The following CPM variants were observed in gnomAD, a reference collection of about 807,000 sequenced individuals.
CPM encodes carboxypeptidase M, also known as renal carboxypeptidase.
A neutral mutation model predicts 46.4 loss-of-function variants in CPM; 35 were observed. The observed-to-expected ratio is 0.75, with a 90% confidence interval of 0.58 to 1.00. CPM has a LOEUF of 1.00. Ranked by LOEUF, CPM falls within the 50% of genes least tolerant of loss-of-function variation. CPM has a pLI of 0.00. For missense variants in CPM, 422 were observed against 530.4 expected, an observed-to-expected ratio of 0.80 and a Z score of 2.01; for synonymous variants, 195 against 195.3, an observed-to-expected ratio of 1.00 and a Z score of 0.01.
intron 2 of CPM, among the ~76,000 whole-genome samples, chr12:68,914,252 G>A (rs1887716992): frequency 6.8e-6 from 1 of 146,404 alleles, no homozygotes; most frequent in South Asian, 2.2e-4. Context: ...CCTCTGCCCC[G>A]CCCCCACCCC....
Position 68,932,772 on chromosome 12 carries a change from G to A in CPM, c.66C>T (p.Tyr22=), listed in dbSNP as rs1888565367. 6.2e-7 allele frequency: 1 copy of A among 1,614,088 alleles called. No homozygotes were observed. The highest frequency in any genetic ancestry group is 1.3e-5 in the African/African-American group (1 of 74,928). ...LPLVAALDFN[Y]HRQEGMEAFL... Reference sequence around the variant, plus strand: ...ACGCTTCCATCCCTTCCTGGCGGTGGTAGTTGAAATCCAGCGCAGCTACCA... The same window carrying A: ...ACGCTTCCATCCCTTCCTGGCGGTGATAGTTGAAATCCAGCGCAGCTACCA... The change falls in exon 2 of 9, where the codon TAC becomes TAT. Residue 22 remains tyrosine (Y), a synonymous_variant. Coordinates refer to ENST00000551568, the MANE Select transcript of CPM (RefSeq NM_198320.5).
At chr12:68,843,302 G>A (rs1417796809) in intron 5 of CPM, 2 of 229,770 alleles carry the variant, frequency 8.7e-6, no homozygotes, top group Non-Finnish European at 1.7e-5. Flanking sequence ...TATTGAGAGA[G>A]AGAGAGAGAG....
At chr12:68,876,890 ATGCG>A (rs1258225546) in intron 3 of CPM, among the ~76,000 whole-genome samples, 10 of 106,584 alleles carry the variant, frequency 9.4e-5, no homozygotes, top group African/African-American at 3.9e-4. Flanking sequence ...GTGCACGCGC[ATGCG>A]TGTGTGTGTG....
intron 2 of CPM, among the ~76,000 whole-genome samples, chr12:68,919,990 C>A (rs1887967932): frequency 6.6e-6 from 1 of 152,236 alleles, no homozygotes; most frequent in Non-Finnish European, 1.5e-5. Context: ...GGGAGTGGAT[C>A]TCTCATGGCT....
At chr12:68,913,823 C>T (rs562785408) in intron 2 of CPM, 1 of 632,030 alleles carries the variant, frequency 1.6e-6, no homozygotes, top group East Asian at 3.2e-5. Flanking sequence ...ATTTGTTTTC[C>T]AGAGTATGAT....
intron 2 of CPM, among the ~76,000 whole-genome samples, chr12:68,918,498 T>A (rs117259045): frequency 0.011 from 1,664 of 152,244 alleles, 21 homozygotes; most frequent in Non-Finnish European, 0.016. Flanking sequence ...CTCTTCCAGT[T>A]TTGTCCATCT....
rs1888909934 is a variant in CPM, at chr12:68,950,035, C to T, written c.-4+13134G>A. Among the ~76,000 whole-genome samples the T allele has an allele frequency of 2.0e-5, 3 of 152,104 alleles. No individual in the cohort carries two copies. The South Asian group carries it at 6.2e-4, about 32-fold the overall frequency. Reference sequence around the variant, plus strand: ...AGCCATCCTCTGAGGCCAGAGGATGCAGTGTGCTTGGGCCTTGTTCACGTG... The same window carrying T: ...AGCCATCCTCTGAGGCCAGAGGATGTAGTGTGCTTGGGCCTTGTTCACGTG... On this transcript the variant is annotated intron_variant, in intron 1 of 8. Transcript: ENST00000546373.
intron 2 of CPM, among the ~76,000 whole-genome samples, chr12:68,910,225 CTAAGA>C (rs1470251737): frequency 2.0e-5 from 3 of 152,004 alleles, no homozygotes; most frequent in Non-Finnish European, 4.4e-5. Context: ...ACTAAATAAA[CTAAGA>C]TAAGATTATA....
chr12:68,885,174 A>T (rs549082451), intron 3 of CPM, among the ~76,000 whole-genome samples: 1 of 152,246 alleles, frequency 6.6e-6, no homozygotes, highest in South Asian at 2.1e-4. Context: ...TGAACTACTG[A>T]CCTCAAGTGA....
chr12:68,890,830 T>C (rs1214479655), intron 2 of CPM, among the ~76,000 whole-genome samples: 1 of 152,200 alleles, frequency 6.6e-6, no homozygotes, highest in Non-Finnish European at 1.5e-5. Flanking sequence ...CAATGGGACA[T>C]GCCTAGGGAG....
chr12:68,926,178 A>G (rs1888251601), intron 2 of CPM, among the ~76,000 whole-genome samples: 1 of 152,180 alleles, frequency 6.6e-6, no homozygotes, highest in Non-Finnish European at 1.5e-5. Flanking sequence ...TCAGCCTCCC[A>G]AAGTGCTGGG....
intron 6 of CPM, 119 bp from the exon 7 acceptor site, chr12:68,867,167 A>T: frequency 1.0e-6 from 1 of 995,888 alleles, no homozygotes; most frequent in Non-Finnish European, 1.6e-6. Flanking sequence ...AATGAATTTG[A>T]CATATTAGCT....
At chr12:68,941,281 G>A (rs1888756949) in intron 1 of CPM, among the ~76,000 whole-genome samples, 1 of 151,980 alleles carries the variant, frequency 6.6e-6, no homozygotes, top group Non-Finnish European at 1.5e-5. Context: ...AGTTCAGGAA[G>A]TCACCCCAAA....
rs149702409 is a variant in CPM, at chr12:68,910,983, C to T, written c.160+21695G>A. Among the ~76,000 whole-genome samples the T allele has an allele frequency of 5.3e-4, 80 of 152,180 alleles. 1 individual carries two copies. In the East Asian group the frequency reaches 0.015, roughly 28 times the overall value. On this transcript the variant is annotated intron_variant, in intron 2 of 8. Transcript: ENST00000551568. ...AATTTAGAAGATGAAAAAAAAATAC[C>T]TTGTTTTTCTCTGTTCATTCACATT...
At chr12:68,868,795 C>T (rs1885567268) in intron 6 of CPM, among the ~76,000 whole-genome samples, 1 of 152,042 alleles carries the variant, frequency 6.6e-6, no homozygotes, top group Non-Finnish European at 1.5e-5. Context: ...TCTTTACAAA[C>T]TGCAAGATCT....
downstream of CPM, chr12:68,846,701 T>C (rs1295999013): frequency 1.3e-5 from 2 of 152,218 alleles, no homozygotes; most frequent in Non-Finnish European, 2.9e-5. Context: ...TTTTAGACTT[T>C]TAGAACACTA....
At chr12:68,869,196 G>T in intron 6 of CPM, 129 bp downstream of exon 6, 2 of 698,516 alleles carry the variant, frequency 2.9e-6, no homozygotes, top group Non-Finnish European at 4.7e-6. Flanking sequence ...TATGATATTA[G>T]CTGATAAGGA....
Position 68,869,843 on chromosome 12 carries a change from TAAG to T in CPM, c.617-351_617-349del, listed in dbSNP as rs151050335. On this transcript the variant is annotated intron_variant, in intron 5 of 8. Coordinates refer to ENST00000551568, the MANE Select transcript of CPM (RefSeq NM_198320.5). ...TTTGGGTCCTCATCCCACAGAGTTT[TAAG>T]AAGAGTCAACAATTATTGTTCATAT... 2.6e-3 allele frequency among the ~76,000 whole-genome samples: 398 copies of T among 151,918 alleles called. 1 individual carries two copies. The highest frequency in any genetic ancestry group is 9.0e-3 in the African/African-American group (373 of 41,374).
At chr12:68,931,290 T>C (rs778444859) in intron 2 of CPM, among the ~76,000 whole-genome samples, 9 of 152,158 alleles carry the variant, frequency 5.9e-5, no homozygotes, top group Admixed American at 1.3e-4. Context: ...AGACTCTCAA[T>C]TGACTCAAAA....
Sources: allele counts gnomAD v4.1 joint callset (sites outside exome capture counted in the v4.1 genomes callset), GRCh38; gene constraint gnomAD v4.1.1; transcripts MANE v1.5; gene names NCBI Gene and HGNC (gene_info 2026-07-23, HGNC 2026-07-21).